The following CACNA2D3 variants were observed in gnomAD, a reference collection of about 807,000 sequenced individuals.
CACNA2D3 encodes calcium voltage-gated channel auxiliary subunit alpha2delta 3.
A neutral mutation model predicts 160.6 loss-of-function variants in CACNA2D3; 60 were observed. The ratio of observed to expected loss-of-function variants is 0.37; its 90% CI spans 0.30 to 0.46. The LOEUF is 0.46. Ranked by LOEUF, CACNA2D3 falls within the 20% of genes least tolerant of loss-of-function variation. The pLI is 1.00. For missense variants in CACNA2D3, 1,205 were observed against 1,365.0 expected (o/e 0.88, Z 1.85); for synonymous variants, 558 against 492.9 (o/e 1.13, Z -1.75).
intron 11 of CACNA2D3, among the ~76,000 whole-genome samples, chr3:54,718,020 T>A (rs1485631183): frequency 6.6e-6 from 1 of 152,204 alleles, no homozygotes; most frequent in Non-Finnish European, 1.5e-5. Context: ...ATTTGTATAT[T>A]GGCTATGCCT....
intron 2 of CACNA2D3, among the ~76,000 whole-genome samples, chr3:54,269,160 C>T (rs753919328): frequency 5.9e-5 from 9 of 152,012 alleles, no homozygotes; most frequent in Non-Finnish European, 7.4e-5. Context: ...TGTGAGTGAT[C>T]GGTACAGGTA....
intron 2 of CACNA2D3, among the ~76,000 whole-genome samples, chr3:54,307,448 TGA>T (rs1166552655): frequency 4.6e-5 from 7 of 152,192 alleles, no homozygotes; most frequent in Non-Finnish European, 1.0e-4. Context: ...TAAAGGATGC[TGA>T]TGCTGTGGGT....
chr3:54,916,867 C>T (rs892255324), intron 27 of CACNA2D3, among the ~76,000 whole-genome samples: 2 of 152,182 alleles, frequency 1.3e-5, no homozygotes, highest in Admixed American at 6.5e-5. Context: ...TGTGTTTTAT[C>T]CTTTGAACCA....
At chr3:54,407,566 C>T (rs769235433) in intron 4 of CACNA2D3, among the ~76,000 whole-genome samples, 43 of 152,252 alleles carry the variant, frequency 2.8e-4, no homozygotes, top group Admixed American at 2.6e-4. Flanking sequence ...ATTTAAAAAT[C>T]AAAGCTACTT....
At chr3:54,280,671 G>A (rs12374075) in intron 2 of CACNA2D3, among the ~76,000 whole-genome samples, 30,803 of 152,000 alleles carry the variant, frequency 0.2, 3,275 homozygotes, top group East Asian at 0.28. Context: ...TCCCCCTCAA[G>A]TTTAGCAATA....
At chr3:54,530,975 T>G (rs1291298638) in intron 5 of CACNA2D3, among the ~76,000 whole-genome samples, 2 of 152,074 alleles carry the variant, frequency 1.3e-5, no homozygotes, top group African/African-American at 4.8e-5. Context: ...TTTCCTCCCA[T>G]GCTATAGTTT....
At chr3:54,578,818 G>C (rs1702629510) in intron 8 of CACNA2D3, among the ~76,000 whole-genome samples, 1 of 152,196 alleles carries the variant, frequency 6.6e-6, no homozygotes, top group Non-Finnish European at 1.5e-5. Flanking sequence ...TGGTCTTCTT[G>C]ACTTTTAAAT....
chr3:54,290,674 G>C (rs1164658617), intron 2 of CACNA2D3, among the ~76,000 whole-genome samples: 2 of 142,232 alleles, frequency 1.4e-5, no homozygotes, highest in Non-Finnish European at 3.1e-5. Context: ...GTCCAACAAT[G>C]ATAGACTGGA....
intron 13 of CACNA2D3, among the ~76,000 whole-genome samples, chr3:54,815,159 A>C (rs752604917): frequency 5.3e-4 from 81 of 152,166 alleles, no homozygotes; most frequent in Non-Finnish European, 9.8e-4. Context: ...GGAGGAGCTT[A>C]TGAGCTTCCT....
intron 3 of CACNA2D3, among the ~76,000 whole-genome samples, chr3:54,349,925 C>CTT (rs1575409562): frequency 6.6e-6 from 1 of 152,360 alleles, no homozygotes; most frequent in East Asian, 1.9e-4. Flanking sequence ...CGTAAATTCT[C>CTT]TTTAACACAT....
intron 3 of CACNA2D3, among the ~76,000 whole-genome samples, chr3:54,348,117 G>A (rs1698490565): frequency 6.6e-6 from 1 of 152,140 alleles, no homozygotes; most frequent in South Asian, 2.1e-4. Flanking sequence ...TCATAGGTTT[G>A]ATCAAGAACA....
intron 2 of CACNA2D3, among the ~76,000 whole-genome samples, chr3:54,188,682 C>T (rs1700927401): frequency 6.6e-6 from 1 of 152,152 alleles, no homozygotes; most frequent in African/African-American, 2.4e-5. Flanking sequence ...TTACTGTCGG[C>T]TCCTTCATAT....
chr3:54,405,126 GTACTA>G (rs1424006044), intron 4 of CACNA2D3, among the ~76,000 whole-genome samples: 2 of 132,496 alleles, frequency 1.5e-5, no homozygotes, highest in Middle Eastern at 7.2e-3. Context: ...ATACTGTACT[GTACTA>G]TACTATACTA....
At chr3:54,188,344 T>G (rs368483241) in intron 2 of CACNA2D3, among the ~76,000 whole-genome samples, 3 of 152,168 alleles carry the variant, frequency 2.0e-5, no homozygotes, top group Non-Finnish European at 4.4e-5. Context: ...GCTGTAATGA[T>G]TCAGCACCAA....
chr3:54,326,215 A>G (rs1338252882), intron 3 of CACNA2D3, among the ~76,000 whole-genome samples: 5 of 152,166 alleles, frequency 3.3e-5, no homozygotes, highest in African/African-American at 1.2e-4. Context: ...GAATATCAGT[A>G]TTTGCATTTA....
intron 3 of CACNA2D3, among the ~76,000 whole-genome samples, chr3:54,326,316 G>A (rs963545021): frequency 1.3e-5 from 2 of 152,162 alleles, no homozygotes; most frequent in Non-Finnish European, 2.9e-5. Flanking sequence ...TACTATTAAA[G>A]CAACTTTCTT....
At chr3:54,635,439 A>G (rs1699349803) in intron 10 of CACNA2D3, among the ~76,000 whole-genome samples, 1 of 152,008 alleles carries the variant, frequency 6.6e-6, no homozygotes, top group South Asian at 2.1e-4. Context: ...CAGGGCATGT[A>G]TGAGTAGTTG....
At chr3:54,189,846 T>G (rs960171124) in intron 2 of CACNA2D3, among the ~76,000 whole-genome samples, 1 of 152,194 alleles carries the variant, frequency 6.6e-6, no homozygotes, top group African/African-American at 2.4e-5. Context: ...AAGGAGTTGT[T>G]TTCTTATGTC....
intron 9 of CACNA2D3, among the ~76,000 whole-genome samples, chr3:54,609,257 C>T (rs1203316165): frequency 6.6e-6 from 1 of 152,090 alleles, no homozygotes; most frequent in Non-Finnish European, 1.5e-5. Context: ...GAAAGGAGGC[C>T]TCGGGAGAAG....
Sources: allele counts gnomAD v4.1 joint callset (sites outside exome capture counted in the v4.1 genomes callset), GRCh38; gene constraint gnomAD v4.1.1; transcripts MANE v1.5; gene names NCBI Gene and HGNC (gene_info 2026-07-23, HGNC 2026-07-21).